The following MAST4 variants were observed in gnomAD, a reference collection of about 807,000 sequenced individuals.
MAST4 encodes microtubule-associated serine/threonine-protein kinase 4.
MAST4 carries 89 observed loss-of-function variants against 162.7 expected under a neutral mutation model. The ratio of observed to expected loss-of-function variants is 0.55; its 90% confidence interval spans 0.46 to 0.65. The LOEUF (loss-of-function observed/expected upper bound fraction) is 0.65, where lower values mean the gene tolerates loss of function less well. MAST4 is among the 30% of genes least tolerant of loss of function. The pLI is 0.00. For missense variants in MAST4, 3,153 were observed against 3,374.0 expected (o/e 0.93, Z 1.62); for synonymous variants, 1,479 against 1,361.1 (o/e 1.09, Z -1.91).
chr5:67,160,476 C>A lies in MAST4; in HGVS notation c.3669C>A (p.Ile1223=). 6.2e-7 allele frequency: 1 copy of A among 1,608,702 alleles called. No individual in the cohort carries two copies. Among genetic ancestry groups the A allele is most frequent in the South Asian group, 1.1e-5 (1 of 89,838 alleles). Residue 1223 remains isoleucine (I), a synonymous_variant, in exon 27 of 29, where the codon ATC becomes ATA. Coordinates refer to ENST00000403625, the MANE Select transcript of MAST4 (RefSeq NM_001164664.2). ...LLLKSGNKVS[I]TTTPFENTSI... ...TTTAGAGTGGGAATAAGGTGTCAAT[C>A]ACTACTACCCCATTTGAAAACACAT...
At chr5:66,948,131 A>G (rs1744248922) in intron 4 of MAST4, among the ~76,000 whole-genome samples, 1 of 152,164 alleles carries the variant, frequency 6.6e-6, no homozygotes, top group Non-Finnish European at 1.5e-5. Flanking sequence ...TAAAGACTTA[A>G]ACAGGCTGAG....
Position 67,156,792 on chromosome 5 carries a change from G to A in MAST4, c.3648+3212G>A, listed in dbSNP as rs888260723. Among the ~76,000 whole-genome samples the A allele has an allele frequency of 1.4e-4, 22 of 152,334 alleles. No homozygotes were observed. In the East Asian group the frequency reaches 4.0e-3, roughly 28 times the overall value. Reference sequence around the variant, plus strand: ...GATGCAATGGGCCCATCTCCCATCTGTGCTTTCCAGAGAAGGAAATGCAAA... The same window carrying A: ...GATGCAATGGGCCCATCTCCCATCTATGCTTTCCAGAGAAGGAAATGCAAA... On this transcript the variant is annotated intron_variant, in intron 26 of 28. Transcript: ENST00000403625.
intron 21 of MAST4, among the ~76,000 whole-genome samples, chr5:67,143,242 G>A (rs1770635970): frequency 1.4e-5 from 2 of 147,192 alleles, no homozygotes; most frequent in African/African-American, 5.1e-5. Flanking sequence ...GCAATATAGT[G>A]AGACCCCGTT....
chr5:66,844,284 A>T (rs1483274374), intron 3 of MAST4, among the ~76,000 whole-genome samples: 1 of 151,212 alleles, frequency 6.6e-6, no homozygotes, highest in Non-Finnish European at 1.5e-5. Flanking sequence ...GACTCCTATG[A>T]CCTTTTCAGC....
intron 1 of MAST4, among the ~76,000 whole-genome samples, chr5:66,699,322 C>T (rs1749614433): frequency 6.6e-6 from 1 of 152,216 alleles, no homozygotes; most frequent in African/African-American, 2.4e-5. Flanking sequence ...CCCAGCAGCA[C>T]ACCCTCCCCC....
rs1755240125 is a variant in MAST4 at position 66,788,751 on chromosome 5, G to T, written c.599G>T (p.Ser200Ile). The stretch of plus-strand genomic sequence containing the variant: ...ACGTCCAACCTCGTGCGCATGCGCA[G>T]CCAGGCCCTGGGCCAGTCGGCGCCC... Reference protein sequence around the residue: ...AETSNLVRMRSQALGQSAPSL... With the variant: ...AETSNLVRMRIQALGQSAPSL... The change falls in exon 3 of 29, where the codon AGC becomes ATC. Residue 200 changes from serine (S) to isoleucine (I), a missense_variant. Coordinates refer to ENST00000403625, the MANE Select transcript of MAST4 (RefSeq NM_001164664.2). The T allele has an allele frequency of 1.9e-6, 3 of 1,611,874 alleles. No homozygotes were observed. Among genetic ancestry groups the T allele is most frequent in the Non-Finnish European group, 2.5e-6 (3 of 1,178,828 alleles).
chr5:66,681,900 C>CCCA, intron 1 of MAST4, among the ~76,000 whole-genome samples: 1 of 152,254 alleles, frequency 6.6e-6, no homozygotes, highest in African/African-American at 2.4e-5. Context: ...GTTTTAGATT[C>CCCA]ATAAACTCAA....
At chr5:67,054,247 C>A (rs1758531659) in intron 4 of MAST4, among the ~76,000 whole-genome samples, 157 bp from the exon 5 acceptor site, 1 of 152,132 alleles carries the variant, frequency 6.6e-6, no homozygotes, top group South Asian at 2.1e-4. Flanking sequence ...CAAGAGGTAG[C>A]CACCCCTCAA....
chr5:67,000,151 C>T (rs903951724), intron 4 of MAST4, among the ~76,000 whole-genome samples: 1 of 152,194 alleles, frequency 6.6e-6, no homozygotes. Flanking sequence ...AAGGTGTGGA[C>T]AGCCCTAGGG....
At chr5:67,157,828 A>G (rs1389360796) in intron 26 of MAST4, among the ~76,000 whole-genome samples, 1 of 152,248 alleles carries the variant, frequency 6.6e-6, no homozygotes, top group Non-Finnish European at 1.5e-5. Context: ...CTTCTAGGCC[A>G]TGAGGGTGAA....
intron 2 of MAST4, among the ~76,000 whole-genome samples, chr5:66,772,383 GA>G (rs901051619): frequency 1.3e-5 from 2 of 152,096 alleles, no homozygotes; most frequent in African/African-American, 4.8e-5. Flanking sequence ...GAAACATGGG[GA>G]AAGGCTATGT....
At chr5:66,792,860 T>C (rs562511866) in intron 3 of MAST4, among the ~76,000 whole-genome samples, 1 of 152,320 alleles carries the variant, frequency 6.6e-6, no homozygotes, top group East Asian at 1.9e-4. Flanking sequence ...GTTGAAGTGA[T>C]GTGTGTGTTC....
chr5:66,796,241 T>G (rs924222352), intron 3 of MAST4, among the ~76,000 whole-genome samples: 9 of 152,202 alleles, frequency 5.9e-5, no homozygotes, highest in African/African-American at 2.2e-4. Context: ...TAAACATGGC[T>G]GGCTGCCCAA....
intron 1 of MAST4, among the ~76,000 whole-genome samples, chr5:66,711,054 T>G (rs1164213316): frequency 6.6e-6 from 1 of 152,208 alleles, no homozygotes; most frequent in Non-Finnish European, 1.5e-5. Flanking sequence ...GTGGATTAGT[T>G]TCGCTACTCT....
At chr5:67,109,814 C>T (rs1766016764) in intron 10 of MAST4, among the ~76,000 whole-genome samples, 1 of 152,126 alleles carries the variant, frequency 6.6e-6, no homozygotes, top group Non-Finnish European at 1.5e-5. Context: ...TTTAATGTCT[C>T]CTTCATTCAT....
At chr5:67,097,921 T>C (rs1041583504) in intron 7 of MAST4, among the ~76,000 whole-genome samples, 2 of 152,122 alleles carry the variant, frequency 1.3e-5, no homozygotes, top group Non-Finnish European at 2.9e-5. Flanking sequence ...CTCAGTTTCT[T>C]TGTGTTTCTA....
At chr5:67,061,959 C>A (rs1197429834) in intron 5 of MAST4, among the ~76,000 whole-genome samples, 1 of 152,196 alleles carries the variant, frequency 6.6e-6, no homozygotes, top group African/African-American at 2.4e-5. Context: ...ATACACACAC[C>A]TTTCTGCTCA....
At chr5:66,967,672 T>A in intron 4 of MAST4, among the ~76,000 whole-genome samples, 1 of 140,114 alleles carries the variant, frequency 7.1e-6, no homozygotes, top group Non-Finnish European at 1.5e-5. Context: ...ATCTTGAAAA[T>A]CTCACACTCC....
Position 66,832,214 on chromosome 5 carries a change from A to T in MAST4, c.642+43420A>T, listed in dbSNP as rs186568041. 3.6e-4 allele frequency among the ~76,000 whole-genome samples: 53 copies of T among 148,642 alleles called. 1 individual carries two copies. The East Asian group carries it at 8.0e-3, about 22-fold the overall frequency. On this transcript the variant is annotated intron_variant, in intron 3 of 28. Coordinates refer to ENST00000403625, the MANE Select transcript of MAST4 (RefSeq NM_001164664.2). ...GATCACCTCCCCACACACGCCCCCCAATTAAATATTACCATTTCCATCCAC... is the reference window on the plus strand; with the variant it reads ...GATCACCTCCCCACACACGCCCCCCTATTAAATATTACCATTTCCATCCAC...
Sources: allele counts gnomAD v4.1 joint callset (sites outside exome capture counted in the v4.1 genomes callset), GRCh38; gene constraint gnomAD v4.1.1; transcripts MANE v1.5; gene names NCBI Gene and HGNC (gene_info 2026-07-23, HGNC 2026-07-21).